Variants in ZNF790 observed in about 807,000 individuals in gnomAD.
The protein encoded by ZNF790 is zinc finger protein 790.
Under a neutral mutation model 12.1 loss-of-function variants are expected in ZNF790, and 8 were observed. That is an observed-to-expected ratio of 0.66 (90% CI 0.39 to 1.19). The LOEUF is 1.19. Among genes scored for constraint, ZNF790 ranks in the 50% most tolerant of loss-of-function variants. The pLI, the probability that ZNF790 is intolerant of heterozygous loss-of-function variation, is 0.01. For missense variants in ZNF790, 707 were observed against 752.2 expected, an observed-to-expected ratio of 0.94 and a Z score of 0.70; for synonymous variants, 252 against 244.3, an observed-to-expected ratio of 1.03 and a Z score of -0.29.
chr19:36,823,570 AAAAC>A, intron 3 of ZNF790, 93 bp downstream of exon 3: 2 of 1,508,910 alleles, frequency 1.3e-6, no homozygotes, highest in Non-Finnish European at 1.8e-6. Context: ...CATTTTCTAA[AAAAC>A]AAAGGTCAGA....
rs1434604758 is a variant in ZNF790 at position 36,823,665 on chromosome 19, AC to A, written c.133+1del. ...ATTTCTAAGGAAAATGCTGAATCTT[AC>A]CCAGTGAGACCATGTTGCTGTAGTT... On this transcript the variant is annotated splice_donor_variant, in intron 3 of 4. Transcript: ENST00000356725. LOFTEE classifies it high-confidence loss of function. 1 of 1,602,798 alleles carries A rather than the reference AC, an allele frequency of 6.2e-7. No individual in the cohort carries two copies. The highest frequency in any genetic ancestry group is 8.5e-7 in the Non-Finnish European group (1 of 1,177,570).
At chr19:36,832,063 A>G (rs997622834) in intron 1 of ZNF790, among the ~76,000 whole-genome samples, 4 of 152,218 alleles carry the variant, frequency 2.6e-5, no homozygotes, top group African/African-American at 9.7e-5. Context: ...ACATTTTTAT[A>G]TCCAGCCAAG....
At chr19:36,823,992 CTTTTTTT>C (rs779735213) in intron 2 of ZNF790, among the ~76,000 whole-genome samples, 6 of 104,380 alleles carry the variant, frequency 5.7e-5, no homozygotes, top group South Asian at 3.5e-4. Context: ...TCTACATGCT[CTTTTTTT>C]TTTTTTTTTT....
At chr19:36,847,120 C>G (rs953897305) in intron 1 of ZNF790, among the ~76,000 whole-genome samples, 55 of 152,132 alleles carry the variant, frequency 3.6e-4, no homozygotes, top group African/African-American at 1.2e-3. Context: ...CTTTGAGAGG[C>G]CAAGGCAGGC....
At position 36,818,290 on chromosome 19, in the gene ZNF790, TG is replaced by T; in HGVS notation, c.*142del. On this transcript the variant is annotated 3_prime_UTR_variant, in exon 5 of 5. Coordinates refer to ENST00000356725, the MANE Select transcript of ZNF790 (RefSeq NM_206894.4). ...TGCATGATGAATTCTCTGCTGCTGCTGCTGCTGCTGCTGCTGGATGTGTGCT... is the reference window on the plus strand; with the variant it reads ...TGCATGATGAATTCTCTGCTGCTGCTCTGCTGCTGCTGCTGGATGTGTGCT... 2 of 677,208 alleles carry T rather than the reference TG, an allele frequency of 3.0e-6. No homozygotes were observed. The highest frequency in any genetic ancestry group is 3.8e-5 in the South Asian group (1 of 26,106). 41.9% of individuals were successfully genotyped at this position (677,208 alleles called of 1,614,324 possible). A position where few individuals can be genotyped will look rare whatever the true frequency, so the allele number is the denominator to read the frequency against.
Position 36,823,299 on chromosome 19 carries a change from C to T in ZNF790, c.215G>A (p.Arg72Lys). Residue 72 changes from arginine (R) to lysine (K), a missense_variant, in exon 4 of 5, where the codon AGA becomes AAA. Transcript: ENST00000356725. ...EPWKILRDET[R>K]GPCPDMQSRC... is the part of the protein sequence containing the mutation. ...CCCTCACTCACCTGGGCAAGGTCCTCTTGTCTCATCCCTCAAAATCTTCCA... is the reference window on the plus strand; with the variant it reads ...CCCTCACTCACCTGGGCAAGGTCCTTTTGTCTCATCCCTCAAAATCTTCCA... The T allele has an allele frequency of 6.2e-7, 1 of 1,614,104 alleles. No homozygotes were observed. The highest frequency in any genetic ancestry group is 8.5e-7 in the Non-Finnish European group (1 of 1,180,002).
At chr19:36,836,420 G>A (rs1052658043) in intron 1 of ZNF790, among the ~76,000 whole-genome samples, 5 of 151,932 alleles carry the variant, frequency 3.3e-5, no homozygotes, top group African/African-American at 1.2e-4. Flanking sequence ...GCAGTGCATT[G>A]TGGGCCGCAA....
At chr19:36,844,611 T>G (rs1386886210) in intron 1 of ZNF790, among the ~76,000 whole-genome samples, 1 of 151,162 alleles carries the variant, frequency 6.6e-6, no homozygotes, top group African/African-American at 2.5e-5. Flanking sequence ...CAACCATAGA[T>G]TCAAGAAGTT....
chr19:36,843,558 C>T (rs1299698058), intron 1 of ZNF790, among the ~76,000 whole-genome samples: 1 of 152,154 alleles, frequency 6.6e-6, no homozygotes, highest in Non-Finnish European at 1.5e-5. Context: ...TGAAGGTCAT[C>T]AGCCCCTACT....
At chr19:36,846,396 C>A (rs1246184976) in intron 1 of ZNF790, among the ~76,000 whole-genome samples, 2 of 152,010 alleles carry the variant, frequency 1.3e-5, no homozygotes, top group Non-Finnish European at 2.9e-5. Flanking sequence ...GAAACCCTGT[C>A]TCTACTAAAA....
At position 36,818,658 on chromosome 19, in the gene ZNF790, AT is replaced by A; in HGVS notation, c.1685del (p.Tyr562LeufsTer91). 1.9e-6 allele frequency: 3 copies of A among 1,612,830 alleles called. No individual in the cohort carries two copies. Among genetic ancestry groups the A allele is most frequent in the Non-Finnish European group, 2.5e-6 (3 of 1,179,550 alleles). On this transcript the variant is annotated frameshift_variant, in exon 5 of 5. Transcript: ENST00000356725. LOFTEE classifies it low-confidence loss of function (END_TRUNC). ...AGATGTGGCTACTTTTCTTGCATCCATAAGGTTCTGCATCAGTATGAATTTT... is the reference window on the plus strand; with the variant it reads ...AGATGTGGCTACTTTTCTTGCATCCAAAGGTTCTGCATCAGTATGAATTTT... ...HKKIHTDAEP[Y>X]GCKKSSHIFS...
intron 1 of ZNF790, among the ~76,000 whole-genome samples, chr19:36,845,577 G>A (rs1031151815): frequency 6.6e-6 from 1 of 152,158 alleles, no homozygotes; most frequent in African/African-American, 2.4e-5. Context: ...GGTAAATGGA[G>A]TTAAAGTGTC....
chr19:36,844,857 G>A (rs1204703210), intron 1 of ZNF790, among the ~76,000 whole-genome samples: 1 of 150,676 alleles, frequency 6.6e-6, no homozygotes, highest in Non-Finnish European at 1.5e-5. Flanking sequence ...GACCATCCCG[G>A]CTAAAACGGT....
intron 1 of ZNF790, among the ~76,000 whole-genome samples, chr19:36,845,878 G>A (rs899517266): frequency 4.6e-5 from 7 of 151,502 alleles, no homozygotes; most frequent in African/African-American, 1.7e-4. Context: ...GCATGATCTC[G>A]GCTCACTGCA....
chr19:36,830,957 G>A (rs1251289685), intron 1 of ZNF790, among the ~76,000 whole-genome samples: 1 of 152,162 alleles, frequency 6.6e-6, no homozygotes, highest in African/African-American at 2.4e-5. Context: ...GGCTAACATG[G>A]TGAAACCCTG....
chr19:36,833,876 A>C lies in ZNF790; in HGVS notation c.-74+4461T>G, dbSNP rs1568340641. 7.9e-5 allele frequency among the ~76,000 whole-genome samples: 12 copies of C among 152,354 alleles called. No homozygotes were observed. In the South Asian group the frequency reaches 2.5e-3, roughly 32 times the overall value. ...GGATAAGCAAAGATTTGAATAAGATACAGAGTACAAACCATAAAAGAAAAA... is the reference window on the plus strand; with the variant it reads ...GGATAAGCAAAGATTTGAATAAGATCCAGAGTACAAACCATAAAAGAAAAA... On this transcript the variant is annotated intron_variant, in intron 1 of 4. Transcript: ENST00000356725.
rs111345165 is a variant in ZNF790, at chr19:36,848,451, A to G, written c.-74+1551T>C. Among the ~76,000 whole-genome samples the G allele has an allele frequency of 3.8e-3, 575 of 151,950 alleles. 4 individuals carry two copies. The highest frequency in any genetic ancestry group is 0.013 in the African/African-American group (557 of 41,448). ...TTTTCTTTTTTCTGTTTTTTAGGAG[A>G]CATTGGTGGGGTAAACATACAAAAA... is the stretch of plus-strand genomic sequence containing the variant. On this transcript the variant is annotated intron_variant, in intron 1 of 4. Transcript: ENST00000528994.
At chr19:36,837,518 C>A (rs980028102) in intron 1 of ZNF790, among the ~76,000 whole-genome samples, 1 of 152,226 alleles carries the variant, frequency 6.6e-6, no homozygotes, top group African/African-American at 2.4e-5. Flanking sequence ...CCACATCTCA[C>A]TTTTGTTGAC....
intron 1 of ZNF790, among the ~76,000 whole-genome samples, chr19:36,827,147 T>C (rs1295473648): frequency 0.33 from 17,407 of 52,132 alleles, 1,723 homozygotes; most frequent in Non-Finnish European, 0.39. Context: ...CACACATATA[T>C]ATATATATAT....
Sources: allele counts gnomAD v4.1 joint callset (sites outside exome capture counted in the v4.1 genomes callset), GRCh38; gene constraint gnomAD v4.1.1; transcripts MANE v1.5; gene names NCBI Gene and HGNC (gene_info 2026-07-23, HGNC 2026-07-21).